TIPARP: variants seen among roughly 807,000 people sequenced by gnomAD.
TIPARP encodes TCDD inducible poly(ADP-ribose) polymerase.
In TIPARP, 12 loss-of-function variants were observed where a neutral mutation model predicts 56.5. That is an observed-to-expected ratio of 0.21 (90% confidence interval 0.14 to 0.34). The LOEUF (loss-of-function observed/expected upper bound fraction) is 0.34, where lower values mean the gene tolerates loss of function less well. TIPARP is among the 10% of genes least tolerant of loss of function. The pLI, the probability that TIPARP is intolerant of heterozygous loss-of-function variation, is 1.00. For missense variants in TIPARP, 604 were observed against 781.6 expected (o/e 0.77, Z 2.71); for synonymous variants, 296 against 265.7 (o/e 1.11, Z -1.11).
chr3:156,677,266 C>A (rs1722154380), intron 1 of TIPARP, among the ~76,000 whole-genome samples: 1 of 152,180 alleles, frequency 6.6e-6, no homozygotes. Flanking sequence ...ATAAAGAGAA[C>A]CGCAAAGCTG....
At chr3:156,684,877 A>C (rs1722393866) in intron 2 of TIPARP, among the ~76,000 whole-genome samples, 1 of 152,194 alleles carries the variant, frequency 6.6e-6, no homozygotes, top group Admixed American at 6.5e-5. Flanking sequence ...CGTTAAACCT[A>C]ATCCACCTCA....
intron 3 of TIPARP, 26 bp downstream of exon 3, chr3:156,694,214 G>A (rs370732025): frequency 1.9e-6 from 3 of 1,550,402 alleles, no homozygotes; most frequent in Non-Finnish European, 2.6e-6. Context: ...TTGTTGACAA[G>A]TACATTTTTC....
intron 3 of TIPARP, 64 bp from the exon 4 acceptor site, chr3:156,695,801 T>C: frequency 6.7e-7 from 1 of 1,492,120 alleles, no homozygotes; most frequent in Non-Finnish European, 8.9e-7. Context: ...TTAATTTTCA[T>C]TTTTAACCAT....
intron 2 of TIPARP, among the ~76,000 whole-genome samples, chr3:156,680,379 ATC>A (rs1722264288): frequency 6.6e-6 from 1 of 152,096 alleles, no homozygotes; most frequent in Admixed American, 6.5e-5. Context: ...ATTTTCCAAA[ATC>A]TCTGTTGCCC....
At chr3:156,687,536 G>T (rs1278794635) in intron 2 of TIPARP, among the ~76,000 whole-genome samples, 2 of 152,098 alleles carry the variant, frequency 1.3e-5, no homozygotes, top group African/African-American at 4.8e-5. Context: ...CATTGGGGCC[G>T]GTGGACTTCA....
intron 2 of TIPARP, 108 bp downstream of exon 2, chr3:156,678,722 TTTTCCACTATTATTC>T (rs1722215354): frequency 1.1e-6 from 1 of 933,958 alleles, no homozygotes; most frequent in East Asian, 2.6e-5. Context: ...GGTTTTCTTT[TTTTCCACTATTATTC>T]TTTTGACTGT....
At chr3:156,693,914 C>T (rs1722643457) in intron 2 of TIPARP, 106 bp from the exon 3 acceptor site, 1 of 1,228,358 alleles carries the variant, frequency 8.1e-7, no homozygotes, top group East Asian at 2.8e-5. Context: ...AATTCTACAA[C>T]AGGCTATGCT....
Position 156,677,640 on chromosome 3 carries a change from C to T in TIPARP, c.-41-17C>T, listed in dbSNP as rs1445553760. 5 of 1,469,124 alleles carry T rather than the reference C, an allele frequency of 3.4e-6. No individual in the cohort carries two copies. The highest frequency in any genetic ancestry group is 4.5e-6 in the Non-Finnish European group (5 of 1,099,244). The allele number at this position is 1,469,124 out of a possible 1,614,324, so 91.0% of individuals were successfully genotyped here. On this transcript the variant is annotated splice_polypyrimidine_tract_variant and intron_variant, in intron 1 of 5. Coordinates refer to ENST00000295924, the MANE Select transcript of TIPARP (RefSeq NM_015508.5). ...CTGTCAGTTTGTAAATGATCATCTT[C>T]CTTCCTTTCCTCGTAGGATTTTTAG...
rs1722192799 is a variant in TIPARP, at chr3:156,678,022, G to A, written c.325G>A (p.Val109Ile). The A allele has an allele frequency of 6.2e-7, 1 of 1,613,962 alleles. No homozygotes were observed. Among genetic ancestry groups the A allele is most frequent in the Non-Finnish European group, 8.5e-7 (1 of 1,180,038 alleles). Reference sequence around the variant, plus strand: ...CCCACCAGCAGAAAATAATATGTCTGTTCTGATTCCTGATAGGACAAATGT... The same window carrying A: ...CCCACCAGCAGAAAATAATATGTCTATTCTGATTCCTGATAGGACAAATGT... ...SCPPAENNMSVLIPDRTNVGD... is the reference protein window; with the variant it reads ...SCPPAENNMSILIPDRTNVGD... Residue 109 changes from valine to isoleucine, a missense_variant, in exon 2 of 6, where the codon GTT becomes ATT. Val to Ile is a conservative substitution (Grantham distance 29, BLOSUM62 3). This residue lies in a region of TIPARP where 261 missense variants were observed against 279.2 expected (regional missense o/e 0.93). Coordinates refer to ENST00000295924, the MANE Select transcript of TIPARP (RefSeq NM_015508.5).
At chr3:156,691,060 T>C (rs1480464699) in intron 2 of TIPARP, among the ~76,000 whole-genome samples, 2 of 152,190 alleles carry the variant, frequency 1.3e-5, no homozygotes, top group East Asian at 3.8e-4. Context: ...TATAGGAATT[T>C]ACAGGTTCCC....
Position 156,678,298 on chromosome 3 carries a change from G to T in TIPARP, c.601G>T (p.Asp201Tyr). 1 of 1,614,150 alleles carries T rather than the reference G, an allele frequency of 6.2e-7. No individual in the cohort carries two copies. Among genetic ancestry groups the T allele is most frequent in the Non-Finnish European group, 8.5e-7 (1 of 1,180,040 alleles). Residue 201 changes from aspartate to tyrosine, a missense_variant, in exon 2 of 6, where the codon GAC becomes TAC. This residue lies in a region of TIPARP where 261 missense variants were observed against 279.2 expected (regional missense o/e 0.93). Coordinates refer to ENST00000295924, the MANE Select transcript of TIPARP (RefSeq NM_015508.5). ...ENSFTIQYIL[D>Y]TSDKLSTELF... The stretch of plus-strand genomic sequence containing the variant: ...CAGTTTTACAATCCAATACATTCTG[G>T]ACACCAGTGATAAGCTGAGTACTGA...
Position 156,678,327 on chromosome 3 carries a change from C to A in TIPARP, c.630C>A (p.Leu210=). 1 of 1,614,208 alleles carries A rather than the reference C, an allele frequency of 6.2e-7. No homozygotes were observed. Residue 210 remains leucine, a synonymous_variant, in exon 2 of 6, where the codon CTC becomes CTA. Coordinates refer to ENST00000295924, the MANE Select transcript of TIPARP (RefSeq NM_015508.5). The part of the protein sequence containing the change: ...LDTSDKLSTE[L]FQDKSEEASL... The stretch of plus-strand genomic sequence containing the variant: ...CCAGTGATAAGCTGAGTACTGAGCT[C>A]TTTCAGGACAAAAGTGAAGAGGCTT...
intron 4 of TIPARP, among the ~76,000 whole-genome samples, chr3:156,702,772 C>A (rs1341679110): frequency 1.3e-5 from 2 of 152,186 alleles, no homozygotes; most frequent in Non-Finnish European, 2.9e-5. Context: ...TAAAGGCTCA[C>A]GGATATGCAT....
intron 4 of TIPARP, among the ~76,000 whole-genome samples, chr3:156,699,147 A>C (rs1184585451): frequency 6.6e-6 from 1 of 152,184 alleles, no homozygotes; most frequent in Non-Finnish European, 1.5e-5. Context: ...TTGAGATGGA[A>C]TCTACTGGTG....
intron 2 of TIPARP, 133 bp from the exon 3 acceptor site, chr3:156,693,887 G>A: frequency 9.5e-7 from 1 of 1,054,712 alleles, no homozygotes; most frequent in Non-Finnish European, 1.3e-6. Context: ...TTTACTCCAA[G>A]TAAAGCAAGT....
chr3:156,691,550 C>T (rs1277195473), intron 2 of TIPARP, among the ~76,000 whole-genome samples: 1 of 152,034 alleles, frequency 6.6e-6, no homozygotes, highest in African/African-American at 2.4e-5. Flanking sequence ...ATAGATGACT[C>T]ATAATTGCTT....
At chr3:156,688,488 C>CT (rs1320559132) in intron 2 of TIPARP, among the ~76,000 whole-genome samples, 1 of 149,020 alleles carries the variant, frequency 6.7e-6, no homozygotes, top group African/African-American at 2.5e-5. Flanking sequence ...TGCCGCCCCC[C>CT]CCCGCAATAA....
chr3:156,684,650 T>C (rs1722387149), intron 2 of TIPARP, among the ~76,000 whole-genome samples: 1 of 147,948 alleles, frequency 6.8e-6, no homozygotes, highest in South Asian at 2.1e-4. Context: ...CAGGCTCGTC[T>C]CGAACTCCCG....
At chr3:156,695,713 A>G (rs1394542330) in intron 3 of TIPARP, 152 bp from the exon 4 acceptor site, 12 of 1,108,750 alleles carry the variant, frequency 1.1e-5, no homozygotes, top group Non-Finnish European at 1.4e-5. Context: ...AGGGAAAAAA[A>G]ATCTTAGCAT....
Sources: allele counts gnomAD v4.1 joint callset (sites outside exome capture counted in the v4.1 genomes callset), GRCh38; gene constraint gnomAD v4.1.1; regional missense constraint gnomAD v4.1.1; transcripts MANE v1.5; gene names NCBI Gene and HGNC (gene_info 2026-07-23, HGNC 2026-07-21).